Variants in HSF2 observed in about 807,000 individuals in gnomAD.
HSF2 encodes heat shock transcription factor 2.
HSF2 carries 21 observed loss-of-function variants against 65.0 expected under a neutral mutation model. That is an observed-to-expected ratio of 0.32 (90% CI 0.23 to 0.47). The LOEUF (loss-of-function observed/expected upper bound fraction) is 0.47. Ranked by LOEUF, HSF2 falls within the 20% of genes least tolerant of loss-of-function variation. The pLI is 1.00. For synonymous variants in HSF2, 225 were observed against 219.1 expected (o/e 1.03, Z -0.24); for missense variants, 499 against 628.1 (o/e 0.79, Z 2.20).
intron 11 of HSF2, among the ~76,000 whole-genome samples, chr6:122,430,982 C>T (rs1340397549): frequency 6.6e-6 from 1 of 152,070 alleles, no homozygotes; most frequent in Non-Finnish European, 1.5e-5. Flanking sequence ...CTGAGCTACT[C>T]TAAATATGTT....
chr6:122,407,575 GT>G (rs1773894159), intron 1 of HSF2, among the ~76,000 whole-genome samples: 1 of 127,240 alleles, frequency 7.9e-6, no homozygotes, highest in Non-Finnish European at 1.6e-5. Context: ...TGAAATGTTT[GT>G]TTTGCCATTT....
intron 1 of HSF2, among the ~76,000 whole-genome samples, chr6:122,411,463 T>C (rs894169740): frequency 2.6e-5 from 4 of 151,942 alleles, no homozygotes; most frequent in South Asian, 2.1e-4. Context: ...GTTCCATTTG[T>C]CTATTTTTGC....
chr6:122,416,151 T>TAA, intron 4 of HSF2, 70 bp from the exon 5 acceptor site: 1 of 916,262 alleles, frequency 1.1e-6, no homozygotes, highest in Non-Finnish European at 1.8e-6. Flanking sequence ...TATTCTTAAT[T>TAA]AAAGATACTA....
rs1415381771 is a variant in HSF2 at position 122,419,249 on chromosome 6, T to C, written c.593+20T>C. 4.7e-6 allele frequency: 6 copies of C among 1,278,170 alleles called. No homozygotes were observed. The Admixed American group carries it at 1.1e-4, about 22-fold the overall frequency. 79.2% of individuals were successfully genotyped at this position (1,278,170 alleles called of 1,614,324 possible). ...TAAAAGGTAAGTTTTTATGATAAAGTATTATGTCCTGTATATAGGCAGTCA... is the reference window on the plus strand; with the variant it reads ...TAAAAGGTAAGTTTTTATGATAAAGCATTATGTCCTGTATATAGGCAGTCA... On this transcript the variant is annotated intron_variant, in intron 6 of 12. Transcript: ENST00000368455.
At chr6:122,428,268 G>T (rs1774381167) in intron 11 of HSF2, among the ~76,000 whole-genome samples, 1 of 151,834 alleles carries the variant, frequency 6.6e-6, no homozygotes, top group Non-Finnish European at 1.5e-5. Context: ...TGTTTTATGG[G>T]CAGCATTTTA....
chr6:122,431,792 C>T (rs2114459365), intron 12 of HSF2, 133 bp from the exon 13 acceptor site: 1 of 715,716 alleles, frequency 1.4e-6, no homozygotes, highest in South Asian at 1.9e-5. Flanking sequence ...TGACATAGTG[C>T]ATCATGTCAT....
intron 10 of HSF2, among the ~76,000 whole-genome samples, chr6:122,426,383 T>C (rs539015561): frequency 1.3e-5 from 2 of 152,166 alleles, no homozygotes; most frequent in South Asian, 2.1e-4. Flanking sequence ...ATTTGTCTCC[T>C]AGGAATACAT....
chr6:122,431,302 C>T (rs12192360), intron 11 of HSF2, 128 bp from the exon 12 acceptor site: 58,915 of 381,820 alleles, frequency 0.15, 4,938 homozygotes, highest in East Asian at 0.24. Flanking sequence ...AGCCCATTTT[C>T]CCTGATGTTT....
At chr6:122,423,743 T>TTA in intron 10 of HSF2, 57 bp downstream of exon 10, 1 of 926,618 alleles carries the variant, frequency 1.1e-6, no homozygotes, top group Non-Finnish European at 1.7e-6. Flanking sequence ...ATGTATATTA[T>TTA]TTAAAAACCA....
intron 1 of HSF2, among the ~76,000 whole-genome samples, chr6:122,408,126 T>C (rs1269205927): frequency 1.3e-5 from 2 of 152,132 alleles, no homozygotes; most frequent in Non-Finnish European, 2.9e-5. Context: ...GGTTTCAACA[T>C]AGAATTTTGG....
intron 1 of HSF2, among the ~76,000 whole-genome samples, chr6:122,408,031 TG>T (rs1183248359): frequency 2.0e-5 from 3 of 152,066 alleles, no homozygotes; most frequent in East Asian, 1.9e-4. Context: ...CAACCTAACC[TG>T]GGGGGTCCTA....
chr6:122,401,771 G>A (rs934556667), intron 1 of HSF2, among the ~76,000 whole-genome samples: 11 of 152,116 alleles, frequency 7.2e-5, no homozygotes, highest in African/African-American at 2.4e-4. Flanking sequence ...GAGATCCCTC[G>A]AAAATGTAAT....
chr6:122,419,118 CAAAA>C, intron 5 of HSF2, 46 bp from the exon 6 acceptor site: 1 of 878,074 alleles, frequency 1.1e-6, no homozygotes, highest in Non-Finnish European at 1.8e-6. Flanking sequence ...GTAATAGAGA[CAAAA>C]GAATTAACAG....
chr6:122,419,071 G>A, intron 5 of HSF2, 97 bp from the exon 6 acceptor site: 1 of 641,378 alleles, frequency 1.6e-6, no homozygotes, highest in Non-Finnish European at 2.8e-6. Flanking sequence ...GAGACTTAGA[G>A]GACAAATTAT....
At chr6:122,424,153 C>T (rs1175026717) in intron 10 of HSF2, among the ~76,000 whole-genome samples, 2 of 151,966 alleles carry the variant, frequency 1.3e-5, no homozygotes, top group African/African-American at 2.4e-5. Flanking sequence ...TTTTGAGTTA[C>T]AAGGTTCCCC....
In HSF2 at chr6:122,427,919, T is replaced by G. The variant is rs1294740750; in HGVS notation, c.1193T>G (p.Val398Gly). ...GTCTTTCAGCTTTTCACTAGTTCTG[T>G]GCAGATGAATCCCACAGATTACATC... The part of the protein sequence containing the change: ...DLLVDLFTSS[V>G]QMNPTDYINN... Residue 398 changes from valine (V) to glycine (G), a missense_variant, in exon 11 of 13, where the codon GTG (valine) becomes GGG (glycine). Physicochemically the swap from Val to Gly is moderately radical, Grantham distance 109. Coordinates refer to ENST00000368455, the MANE Select transcript of HSF2 (RefSeq NM_004506.4). 1 of 1,602,816 alleles carries G rather than the reference T, an allele frequency of 6.2e-7. No homozygotes were observed. Among genetic ancestry groups the G allele is most frequent in the Non-Finnish European group, 8.5e-7 (1 of 1,171,430 alleles).
intron 7 of HSF2, 58 bp downstream of exon 7, chr6:122,420,280 G>A (rs1279199443): frequency 7.3e-7 from 1 of 1,366,014 alleles, no homozygotes. Flanking sequence ...ATTTTATTAT[G>A]GCAGTGTTTC....
Position 122,431,411 on chromosome 6 carries a change from A to ATG in HSF2, c.1231-18_1231-17insGT, listed in dbSNP as rs1381321188. The ATG allele has an allele frequency of 4.0e-6, 5 of 1,234,594 alleles. No homozygotes were observed. Among genetic ancestry groups the ATG allele is most frequent in the Non-Finnish European group, 5.6e-6 (5 of 891,144 alleles). 76.5% of individuals were successfully genotyped at this position (1,234,594 alleles called of 1,614,324 possible). ...TAAAATATGAAACAAGTACTTATAT[A>ATG]TATATTTTTTTCTTTTAGTCTGAGA... On this transcript the variant is annotated intron_variant, in intron 11 of 12. Transcript: ENST00000368455.
chr6:122,406,854 A>G (rs960387566), intron 1 of HSF2, among the ~76,000 whole-genome samples: 6 of 152,184 alleles, frequency 3.9e-5, no homozygotes, highest in Non-Finnish European at 8.8e-5. Context: ...CCTAATTTCA[A>G]AAGGGATGAG....
Sources: gnomAD v4.1 joint callset for allele counts (sites outside exome capture counted in the v4.1 genomes callset) on GRCh38, gnomAD v4.1.1 for gene constraint, MANE v1.5 for transcripts, NCBI Gene and HGNC (gene_info 2026-07-23, HGNC 2026-07-21) for gene names.